Variants in CAMKK1 observed in about 807,000 individuals in gnomAD.
CAMKK1 encodes calcium/calmodulin dependent protein kinase kinase 1, also known as calcium/calmodulin-dependent protein kinase kinase 1.
In CAMKK1, 20 loss-of-function variants were observed where a neutral mutation model predicts 63.5. The observed-to-expected ratio is 0.32, with a 90% CI of 0.22 to 0.46. The LOEUF is 0.46. Among genes scored for constraint, CAMKK1 ranks in the 20% least tolerant of loss-of-function variants. The pLI is 1.00. For missense variants in CAMKK1, 588 were observed against 658.1 expected, an observed-to-expected ratio of 0.89 and a Z score of 1.17; for synonymous variants, 253 against 269.0, an observed-to-expected ratio of 0.94 and a Z score of 0.58.
At chr17:3,880,075 C>T (rs2055339481) in intron 9 of CAMKK1, 1 of 478,540 alleles carries the variant, frequency 2.1e-6, no homozygotes, top group South Asian at 2.8e-5. Context: ...GCTAAGAACT[C>T]AGCAGAAGAA....
chr17:3,884,000 A>G lies in CAMKK1; in HGVS notation c.409-63T>C. 1.3e-6 allele frequency: 2 copies of G among 1,542,250 alleles called. No individual in the cohort carries two copies. Among genetic ancestry groups the G allele is most frequent in the Non-Finnish European group, 1.8e-6 (2 of 1,119,864 alleles). On this transcript the variant is annotated intron_variant, in intron 3 of 15. Transcript: ENST00000348335. This position sits in a 1 kb window ranked among gnomAD's most constrained non-coding sequence, Gnocchi z 4.7. ...CAACCCCTCCCAGGACCAGCTCAGGAGGTGGGGAGCCGAGCAGCTCTGGTC... is the reference window on the plus strand; with the variant it reads ...CAACCCCTCCCAGGACCAGCTCAGGGGGTGGGGAGCCGAGCAGCTCTGGTC...
rs565124291 is a variant in CAMKK1, at chr17:3,890,825, G to A, written c.-44+2114C>T. On this transcript the variant is annotated intron_variant, in intron 1 of 15. Coordinates refer to ENST00000348335, the MANE Select transcript of CAMKK1 (RefSeq NM_032294.3). This position sits in a 1 kb window ranked among gnomAD's most constrained non-coding sequence, Gnocchi z 6.5. ...CTGCCTGGAGGACAGCTCAGACATC[G>A]CCTCTTCTGAGCCCTCCTTGATCTC... 1.0e-4 allele frequency: 81 copies of A among 776,502 alleles called. 1 individual carries two copies. The East Asian group carries it at 1.4e-3, about 13-fold the overall frequency. 48.1% of individuals were successfully genotyped at this position (776,502 alleles called of 1,614,324 possible).
intron 14 of CAMKK1, among the ~76,000 whole-genome samples, chr17:3,866,952 C>T (rs981409665): frequency 6.6e-6 from 1 of 152,192 alleles, no homozygotes; most frequent in Admixed American, 6.5e-5. Context: ...AACTCCTGAC[C>T]TCAAGTGATC....
In CAMKK1 at chr17:3,889,521, A is replaced by G. The variant is rs1418753049; in HGVS notation, c.-44+3418T>C. 6.6e-6 allele frequency among the ~76,000 whole-genome samples: 1 copy of G among 151,974 alleles called. No homozygotes were observed. ...GGAGCCTCTGTTTCCTAACACGTGCATCAAGCAGAAGGCCACTGTCCTGCC... is the reference window on the plus strand; with the variant it reads ...GGAGCCTCTGTTTCCTAACACGTGCGTCAAGCAGAAGGCCACTGTCCTGCC... On this transcript the variant is annotated intron_variant, in intron 1 of 15. Coordinates refer to ENST00000348335, the MANE Select transcript of CAMKK1 (RefSeq NM_032294.3). The surrounding 1 kb of genome is among the most constrained non-coding windows in gnomAD (Gnocchi z 5.2).
rs902529845 is a variant in CAMKK1, at chr17:3,884,709, T to C, written c.361-282A>G. ...GGAAAACGCTAATTCCTGTCTGGAT[T>C]CTGGAGTCTGGAAGACCCTAATCCA... On this transcript the variant is annotated intron_variant, in intron 2 of 15. Coordinates refer to ENST00000348335, the MANE Select transcript of CAMKK1 (RefSeq NM_032294.3). The surrounding 1 kb of genome is among the most constrained non-coding windows in gnomAD (Gnocchi z 4.5). Among the ~76,000 whole-genome samples the C allele has an allele frequency of 1.3e-5, 2 of 152,176 alleles. No individual in the cohort carries two copies. The highest frequency in any genetic ancestry group is 4.8e-5 in the African/African-American group (2 of 41,418).
chr17:3,872,778 C>A, intron 11 of CAMKK1, 151 bp from the exon 12 acceptor site: 1 of 650,080 alleles, frequency 1.5e-6, no homozygotes. Flanking sequence ...TGTAAATGTT[C>A]AACAAATGTT....
At chr17:3,865,712 G>C (rs765306902) in intron 15 of CAMKK1, 196 bp downstream of exon 15, 75 of 1,421,166 alleles carry the variant, frequency 5.3e-5, no homozygotes, top group Non-Finnish European at 6.8e-5. Context: ...AATGAAGCAA[G>C]AGCTGGGCCC....
intron 8 of CAMKK1, 58 bp from the exon 9 acceptor site, chr17:3,880,492 A>G: frequency 7.1e-7 from 1 of 1,417,838 alleles, no homozygotes; most frequent in Non-Finnish European, 9.9e-7. Context: ...CCGGCCATTC[A>G]GGTGGTCGGG....
rs754379656 is a variant in CAMKK1 at position 3,885,536 on chromosome 17, G to A, written c.152C>T (p.Ala51Val). 1.2e-6 allele frequency: 2 copies of A among 1,613,990 alleles called. No homozygotes were observed. Among genetic ancestry groups the A allele is most frequent in the Admixed American group, 3.3e-5 (2 of 60,024 alleles). The change falls in exon 2 of 16, where the codon GCC becomes GTC. Residue 51 changes from alanine (A) to valine (V), a missense_variant. By Grantham distance (64) the Ala-to-Val change is moderately conservative (BLOSUM62 0). Transcript: ENST00000348335. ...GVDPPPRARA[A>V]SVIPGSTSRL... ...TGAAGTACTGCCAGGGATCACAGAG[G>A]CAGCTCTGGCCCGTGGTGGGGGGTC...
chr17:3,884,532 C>A lies in CAMKK1; in HGVS notation c.361-105G>T, dbSNP rs2055559637. On this transcript the variant is annotated intron_variant, in intron 2 of 15. Transcript: ENST00000348335. This position sits in a 1 kb window ranked among gnomAD's most constrained non-coding sequence, Gnocchi z 4.5. ...AATTCTGGCCATAAGCTCCTCATTC[C>A]CGGACCCCCAGGTCTCACCAAGCTT... The A allele has an allele frequency of 1.9e-6, 2 of 1,058,654 alleles. No homozygotes were observed. Among genetic ancestry groups the A allele is most frequent in the Admixed American group, 2.2e-5 (1 of 45,070 alleles). The allele number at this position is 1,058,654 out of a possible 1,614,324, so 65.6% of individuals were successfully genotyped here.
Position 3,890,709 on chromosome 17 carries a change from A to G in CAMKK1, c.-44+2230T>C, listed in dbSNP as rs766184394. 13 of 779,394 alleles carry G rather than the reference A, an allele frequency of 1.7e-5. No individual in the cohort carries two copies. The highest frequency in any genetic ancestry group is 2.4e-6 in the Non-Finnish European group (1 of 417,914). The allele number at this position is 779,394 out of a possible 1,614,324, so 48.3% of individuals were successfully genotyped here. On this transcript the variant is annotated intron_variant, in intron 1 of 15. Coordinates refer to ENST00000348335, the MANE Select transcript of CAMKK1 (RefSeq NM_032294.3). The surrounding 1 kb of genome is among the most constrained non-coding windows in gnomAD (Gnocchi z 6.5). The stretch of plus-strand genomic sequence containing the variant: ...CACACTTACTCTCCACTGCAGCCAC[A>G]CCACAGCTTCCCAAATTGCATACTC...
Position 3,885,586 on chromosome 17 carries a change from G to A in CAMKK1, c.102C>T (p.Gly34=), listed in dbSNP as rs2055614467. ...CCACACCGTTTCTAGTAGGCTCTGG[G>A]CCACCATCTGCCTCCTCCAAGTGAG... is the stretch of plus-strand genomic sequence containing the variant. ...DVTHLEEADG[G]PEPTRNGVDP... Residue 34 remains glycine, a synonymous_variant, in exon 2 of 16, where the codon GGC becomes GGT. Transcript: ENST00000348335. The A allele has an allele frequency of 1.2e-6, 2 of 1,614,080 alleles. No individual in the cohort carries two copies. Among genetic ancestry groups the A allele is most frequent in the African/African-American group, 1.3e-5 (1 of 75,058 alleles).
rs1403040510 is a variant in CAMKK1 at position 3,889,517 on chromosome 17, G to C, written c.-44+3422C>G. Among the ~76,000 whole-genome samples, 2 of 151,968 alleles carry C rather than the reference G, an allele frequency of 1.3e-5. No homozygotes were observed. On this transcript the variant is annotated intron_variant, in intron 1 of 15. Transcript: ENST00000348335. The surrounding 1 kb of genome is among the most constrained non-coding windows in gnomAD (Gnocchi z 5.2). ...TCTTGGAGCCTCTGTTTCCTAACAC[G>C]TGCATCAAGCAGAAGGCCACTGTCC...
intron 1 of CAMKK1, among the ~76,000 whole-genome samples, chr17:3,891,326 A>G (rs2055895552): frequency 6.6e-6 from 1 of 152,242 alleles, no homozygotes; most frequent in Non-Finnish European, 1.5e-5. Flanking sequence ...TTCAGATATG[A>G]TATGTCAAGT....
At chr17:3,888,498 C>T (rs2055754409) in intron 1 of CAMKK1, among the ~76,000 whole-genome samples, 1 of 152,210 alleles carries the variant, frequency 6.6e-6, no homozygotes, top group Non-Finnish European at 1.5e-5. Flanking sequence ...CTTGGGTTTT[C>T]CTCGCCCGCA....
Position 3,887,382 on chromosome 17 carries a change from C to T in CAMKK1, c.-43-1652G>A, listed in dbSNP as rs748093305. On this transcript the variant is annotated intron_variant, in intron 1 of 15. Transcript: ENST00000348335. This position sits in a 1 kb window ranked among gnomAD's most constrained non-coding sequence, Gnocchi z 6.1. ...GACATGGAGAAAGGAAGAGAGGAGG[C>T]TCCACACTAGGAACAGGAAAAGTCA... 6.6e-6 allele frequency among the ~76,000 whole-genome samples: 1 copy of T among 152,148 alleles called. No individual in the cohort carries two copies. Among genetic ancestry groups the T allele is most frequent in the Non-Finnish European group, 1.5e-5 (1 of 68,018 alleles).
chr17:3,872,514 C>G, intron 12 of CAMKK1, 40 bp downstream of exon 12: 2 of 1,536,454 alleles, frequency 1.3e-6, no homozygotes, highest in South Asian at 2.2e-5. Flanking sequence ...ACACCAGGAG[C>G]GGGTGGTAGC....
In CAMKK1 at chr17:3,892,615, C is replaced by T. The variant is rs892716967; in HGVS notation, c.-44+324G>A. ...CCGGGCCCACTCCGCACAGACGTGG[C>T]CTCCACCAGGAGCCGGGCGCGGGGG... On this transcript the variant is annotated intron_variant, in intron 1 of 15. Transcript: ENST00000348335. The surrounding 1 kb of genome is among the most constrained non-coding windows in gnomAD (Gnocchi z 7.5). Among the ~76,000 whole-genome samples the T allele has an allele frequency of 6.6e-6, 1 of 152,202 alleles. No individual in the cohort carries two copies. Among genetic ancestry groups the T allele is most frequent in the East Asian group, 1.9e-4 (1 of 5,176 alleles).
At chr17:3,881,410 G>A (rs1021617578) in intron 8 of CAMKK1, among the ~76,000 whole-genome samples, 3 of 152,044 alleles carry the variant, frequency 2.0e-5, no homozygotes, top group South Asian at 4.1e-4. Context: ...GTCAAAATCC[G>A]TCCCCTTTTC....
Sources: gnomAD v4.1 joint callset for allele counts (sites outside exome capture counted in the v4.1 genomes callset) on GRCh38, gnomAD v4.1.1 for gene constraint, Gnocchi (gnomAD v3.1) non-coding constraint, MANE v1.5 for transcripts, NCBI Gene and HGNC (gene_info 2026-07-23, HGNC 2026-07-21) for gene names.